PCDHGA5: variants seen among roughly 807,000 people sequenced by gnomAD.
PCDHGA5 encodes protocadherin gamma-A5.
Under a neutral mutation model 56.7 loss-of-function variants are expected in PCDHGA5, and 36 were observed. That is an observed-to-expected ratio of 0.64 (90% CI 0.49 to 0.84). PCDHGA5 has a LOEUF of 0.84. Ranked by LOEUF, PCDHGA5 falls within the 40% of genes least tolerant of loss-of-function variation. PCDHGA5 has a pLI of 0.00. For missense variants in PCDHGA5, 1,305 were observed against 1,201.5 expected, an observed-to-expected ratio of 1.09 and a Z score of -1.27; for synonymous variants, 563 against 520.2, an observed-to-expected ratio of 1.08 and a Z score of -1.12.
chr5:141,478,549 A>G lies in PCDHGA5; in HGVS notation c.2422-16258A>G, dbSNP rs369095515. 8 of 1,602,904 alleles carry G rather than the reference A, an allele frequency of 5.0e-6. No individual in the cohort carries two copies. In the African/African-American group the frequency reaches 1.1e-4, roughly 21 times the overall value. On this transcript the variant is annotated intron_variant, in intron 1 of 3. Coordinates refer to ENST00000518069, the MANE Select transcript of PCDHGA5 (RefSeq NM_018918.3). ...CAGAGAGCGCCCCTCCCGGACAGGT[A>G]AGGTTTAGCAAGTCATGCTTGACCC...
chr5:141,432,586 C>G lies in PCDHGA5; in HGVS notation c.2422-62221C>G. 6.2e-7 allele frequency: 1 copy of G among 1,613,852 alleles called. No homozygotes were observed. The highest frequency in any genetic ancestry group is 8.5e-7 in the Non-Finnish European group (1 of 1,179,972). On this transcript the variant is annotated intron_variant, in intron 1 of 3. Transcript: ENST00000518069. The surrounding 1 kb of genome is among the most constrained non-coding windows in gnomAD (Gnocchi z 6.0). ...ACGCCTGGCTGTCCTACCGTCTGCT[C>G]AAGGCCAGCGAGCCGGGACTCTTCT...
chr5:141,387,194 G>T (rs867598874), intron 1 of PCDHGA5, among the ~76,000 whole-genome samples: 1 of 152,178 alleles, frequency 6.6e-6, no homozygotes, highest in Non-Finnish European at 1.5e-5. Flanking sequence ...GGCAATTTTG[G>T]TATTACTGAT....
At chr5:141,370,842 G>A in intron 1 of PCDHGA5, 1 of 1,614,058 alleles carries the variant, frequency 6.2e-7, no homozygotes, top group Non-Finnish European at 8.5e-7. Context: ...TCTCACTGGA[G>A]CCACATTTGC....
At chr5:141,370,662 A>G (rs1325799428) in intron 1 of PCDHGA5, 1 of 1,613,896 alleles carries the variant, frequency 6.2e-7, no homozygotes, top group South Asian at 1.1e-5. Flanking sequence ...GAGCGACCGT[A>G]TAGACCGAGA....
intron 1 of PCDHGA5, chr5:141,404,338 G>A (rs752211796): frequency 1.9e-5 from 30 of 1,613,686 alleles, no homozygotes; most frequent in Non-Finnish European, 2.4e-5. Flanking sequence ...TCTACCTCCC[G>A]GAAAACAACG....
chr5:141,503,307 G>T (rs1042228003), intron 2 of PCDHGA5, among the ~76,000 whole-genome samples: 5 of 152,096 alleles, frequency 3.3e-5, no homozygotes, highest in African/African-American at 1.2e-4. Context: ...GCTCAAGAAA[G>T]AATTGTTGGA....
At position 141,431,776 on chromosome 5, in the gene PCDHGA5, C is replaced by A; in HGVS notation, c.2422-63031C>A. Reference sequence around the variant, plus strand: ...CCAAAGTCCTGATCACTGTTCTGGACGTGAACGACAATGCCCCAGAAGTGG... The same window carrying A: ...CCAAAGTCCTGATCACTGTTCTGGAAGTGAACGACAATGCCCCAGAAGTGG... On this transcript the variant is annotated intron_variant, in intron 1 of 3. Coordinates refer to ENST00000518069, the MANE Select transcript of PCDHGA5 (RefSeq NM_018918.3). The surrounding 1 kb of genome is among the most constrained non-coding windows in gnomAD (Gnocchi z 4.8). The A allele has an allele frequency of 6.2e-7, 1 of 1,614,228 alleles. No homozygotes were observed. The highest frequency in any genetic ancestry group is 8.5e-7 in the Non-Finnish European group (1 of 1,180,044).
In PCDHGA5 at chr5:141,404,421, C is replaced by G. The variant is rs199749783; in HGVS notation, c.2421+37670C>G. On this transcript the variant is annotated intron_variant, in intron 1 of 3. Coordinates refer to ENST00000518069, the MANE Select transcript of PCDHGA5 (RefSeq NM_018918.3). ...AATGAGAATTCTAGAGTTATTTACT[C>G]CTTGGCAGAGGATACCATCCAAGGG... 462 of 1,613,692 alleles carry G rather than the reference C, an allele frequency of 2.9e-4. 1 individual carries two copies. The African/African-American group carries it at 5.5e-3, about 19-fold the overall frequency.
Position 141,505,420 on chromosome 5 carries a change from C to G in PCDHGA5, c.2508C>G (p.Thr836=), listed in dbSNP as rs1236398971. 6.2e-7 allele frequency: 1 copy of G among 1,614,102 alleles called. No individual in the cohort carries two copies. Among genetic ancestry groups the G allele is most frequent in the Non-Finnish European group, 8.5e-7 (1 of 1,180,034 alleles). ...SGSQNGDDTG[T]WPNNQFDTEM... is the part of the protein sequence containing the mutation. ...CCCAAAATGGCGATGACACCGGCACCTGGCCCAACAACCAGTTTGACACAG... is the reference window on the plus strand; with the variant it reads ...CCCAAAATGGCGATGACACCGGCACGTGGCCCAACAACCAGTTTGACACAG... The change falls in exon 3 of 4, where the codon ACC becomes ACG. Residue 836 remains threonine (T), a synonymous_variant. Coordinates refer to ENST00000518069, the MANE Select transcript of PCDHGA5 (RefSeq NM_018918.3).
chr5:141,430,413 A>G lies in PCDHGA5; in HGVS notation c.2421+63662A>G, dbSNP rs1437560579. ...AAAAAAAAAGCTCACTAAAGTTTCTATTAAAGCGAATACGGTAGATTTCCA... is the reference window on the plus strand; with the variant it reads ...AAAAAAAAAGCTCACTAAAGTTTCTGTTAAAGCGAATACGGTAGATTTCCA... On this transcript the variant is annotated intron_variant, in intron 1 of 3. Coordinates refer to ENST00000518069, the MANE Select transcript of PCDHGA5 (RefSeq NM_018918.3). Among the ~76,000 whole-genome samples the G allele has an allele frequency of 2.0e-5, 3 of 151,870 alleles. No homozygotes were observed. In the South Asian group the frequency reaches 6.2e-4, roughly 31 times the overall value.
chr5:141,381,775 C>T (rs1162791919), intron 1 of PCDHGA5, among the ~76,000 whole-genome samples: 1 of 150,644 alleles, frequency 6.6e-6, no homozygotes, highest in East Asian at 1.9e-4. Flanking sequence ...AATCAATAAT[C>T]AGGAACAAGG....
At chr5:141,387,764 A>AT (rs1054166588) in intron 1 of PCDHGA5, 8 of 1,430,464 alleles carry the variant, frequency 5.6e-6, no homozygotes, top group Non-Finnish European at 7.4e-6. Context: ...AAAAAGAAGA[A>AT]TTTTTTCTTG....
chr5:141,372,773 T>G (rs1220480316), intron 1 of PCDHGA5: 1 of 1,610,720 alleles, frequency 6.2e-7, no homozygotes, highest in Non-Finnish European at 8.5e-7. Flanking sequence ...GTAATGACAA[T>G]CCAGAAATGC....
rs779390477 is a variant in PCDHGA5 at position 141,419,000 on chromosome 5, G to A, written c.2421+52249G>A. ...GGACCAAGACTCAGGGGAAAATGGG[G>A]AAGTCAGGTGTAGCTTAAGTAGAGG... On this transcript the variant is annotated intron_variant, in intron 1 of 3. Transcript: ENST00000518069. 3.1e-6 allele frequency: 5 copies of A among 1,613,962 alleles called. 1 individual carries two copies. In the South Asian group the frequency reaches 4.4e-5, roughly 14 times the overall value.
chr5:141,482,503 C>A (rs375429072), intron 1 of PCDHGA5, among the ~76,000 whole-genome samples: 2 of 136,154 alleles, frequency 1.5e-5, no homozygotes, highest in South Asian at 4.4e-4. Context: ...CATTCTGGTA[C>A]CCAGAGTACA....
At chr5:141,376,392 TC>T (rs1163075559) in intron 1 of PCDHGA5, 5 of 1,614,092 alleles carry the variant, frequency 3.1e-6, no homozygotes, top group Non-Finnish European at 4.2e-6. Flanking sequence ...CATCTGATTT[TC>T]CCCCAGCCCA....
chr5:141,374,202 A>T (rs1446012115), intron 1 of PCDHGA5: 5 of 1,613,868 alleles, frequency 3.1e-6, no homozygotes, highest in Non-Finnish European at 4.2e-6. Context: ...GAGGAGCTGG[A>T]GAAAGGCTCC....
At chr5:141,484,359 T>A (rs1218120598) in intron 1 of PCDHGA5, among the ~76,000 whole-genome samples, 1 of 152,222 alleles carries the variant, frequency 6.6e-6, no homozygotes, top group Non-Finnish European at 1.5e-5. Context: ...GTGTATCTAG[T>A]GTATCACTAG....
chr5:141,401,516 T>G (rs375937507), intron 1 of PCDHGA5, among the ~76,000 whole-genome samples: 3 of 152,320 alleles, frequency 2.0e-5, no homozygotes, highest in South Asian at 2.1e-4. Context: ...CTCTATATAA[T>G]TACCAGAAGA....
Sources: allele counts gnomAD v4.1 joint callset (sites outside exome capture counted in the v4.1 genomes callset), GRCh38; gene constraint gnomAD v4.1.1; non-coding constraint Gnocchi (gnomAD v3.1); transcripts MANE v1.5; gene names NCBI Gene and HGNC (gene_info 2026-07-23, HGNC 2026-07-21).